ARID1B: variants seen among roughly 807,000 people sequenced by gnomAD.
ARID1B encodes the protein AT-rich interactive domain-containing protein 1B.
In ARID1B, 30 loss-of-function variants were observed where a neutral mutation model predicts 212.3. The observed-to-expected ratio is 0.14, with a 90% CI of 0.11 to 0.19. The LOEUF is 0.19. Ranked by LOEUF, ARID1B falls within the 10% of genes least tolerant of loss-of-function variation. ARID1B has a pLI of 1.00. For synonymous variants in ARID1B, 1,402 were observed against 1,301.7 expected (o/e 1.08, Z -1.66); for missense variants, 2,891 against 3,204.0 (o/e 0.90, Z 2.36).
chr6:156,988,113 T>G (rs998076239), intron 4 of ARID1B, among the ~76,000 whole-genome samples: 1 of 152,116 alleles, frequency 6.6e-6, no homozygotes, highest in Non-Finnish European at 1.5e-5. Flanking sequence ...TTGTCACAAC[T>G]AGTTTTAGGG....
At chr6:156,830,733 G>A (rs778344711) in intron 2 of ARID1B, among the ~76,000 whole-genome samples, 11 of 151,790 alleles carry the variant, frequency 7.2e-5, no homozygotes, top group African/African-American at 2.2e-4. Flanking sequence ...TTTGAGTCCA[G>A]CCTAGGCAAT....
At chr6:156,906,189 G>A (rs963652872) in intron 3 of ARID1B, among the ~76,000 whole-genome samples, 1 of 151,984 alleles carries the variant, frequency 6.6e-6, no homozygotes, top group Non-Finnish European at 1.5e-5. Flanking sequence ...GAAGCTGGGG[G>A]TACTTTTGTG....
intron 2 of ARID1B, chr6:156,871,726 C>T (rs1786150901): frequency 2.0e-6 from 3 of 1,535,318 alleles, no homozygotes; most frequent in South Asian, 2.4e-5. Context: ...GCAGCTGGCA[C>T]ATCTGTGTTG....
intron 4 of ARID1B, among the ~76,000 whole-genome samples, chr6:157,052,453 CA>C (rs1369237898): frequency 2.0e-5 from 3 of 152,194 alleles, no homozygotes; most frequent in African/African-American, 7.2e-5. Context: ...ATATAATTGG[CA>C]CCTTTATTTG....
intron 12 of ARID1B, among the ~76,000 whole-genome samples, chr6:157,183,750 T>C (rs1039857277): frequency 2.0e-5 from 3 of 152,172 alleles, no homozygotes; most frequent in Non-Finnish European, 4.4e-5. Flanking sequence ...AGGGGCTCAT[T>C]TGCCTTTGCA....
intron 7 of ARID1B, among the ~76,000 whole-genome samples, chr6:157,135,762 T>C (rs1788860880): frequency 6.6e-6 from 1 of 152,244 alleles, no homozygotes; most frequent in Non-Finnish European, 1.5e-5. Context: ...GTTATCCTTT[T>C]AGAAAGGGAT....
intron 1 of ARID1B, among the ~76,000 whole-genome samples, chr6:156,780,869 A>G: frequency 6.6e-6 from 1 of 152,282 alleles, no homozygotes; most frequent in South Asian, 2.1e-4. Flanking sequence ...TTGAAAAATA[A>G]GTAAACCACG....
At chr6:157,113,977 T>C (rs1426502580) in intron 6 of ARID1B, among the ~76,000 whole-genome samples, 1 of 152,188 alleles carries the variant, frequency 6.6e-6, no homozygotes, top group Non-Finnish European at 1.5e-5. Context: ...TGACAGTGAC[T>C]TTAGTGCTTT....
chr6:157,202,876 C>G (rs942472616), intron 18 of ARID1B, among the ~76,000 whole-genome samples: 1 of 151,404 alleles, frequency 6.6e-6, no homozygotes, highest in African/African-American at 2.4e-5. Context: ...CACACACACA[C>G]GTGTATTGTG....
chr6:157,068,599 C>T (rs574485191), intron 4 of ARID1B, among the ~76,000 whole-genome samples: 2 of 152,366 alleles, frequency 1.3e-5, no homozygotes, highest in African/African-American at 2.4e-5. Context: ...CATACTGTGA[C>T]ATTTCTGCTG....
rs1177490140 is a variant in ARID1B, at chr6:157,174,755, AT to A, written c.3346-90del. 5.2e-6 allele frequency: 3 copies of A among 572,966 alleles called. No individual in the cohort carries two copies. In the African/African-American group the frequency reaches 6.1e-5, roughly 12 times the overall value. The allele number at this position is 572,966 out of a possible 1,614,324, so 35.5% of individuals were successfully genotyped here. A position where few individuals can be genotyped will look rare whatever the true frequency, so the allele number is the denominator to read the frequency against. Reference sequence around the variant, plus strand: ...ATATATATATAATATATATAAAAAAATTAGTTTGTTAAAGTGGATGTACTTT... The same window carrying A: ...ATATATATATAATATATATAAAAAAATAGTTTGTTAAAGTGGATGTACTTT... On this transcript the variant is annotated intron_variant, in intron 10 of 19. Coordinates refer to ENST00000636930, the MANE Select transcript of ARID1B (RefSeq NM_001374828.1).
chr6:156,834,344 A>G (rs1248432163), intron 2 of ARID1B, among the ~76,000 whole-genome samples: 1 of 152,144 alleles, frequency 6.6e-6, no homozygotes, highest in Admixed American at 6.5e-5. Context: ...AACTTGACTA[A>G]GTATAATGGA....
chr6:157,100,461 C>T (rs1394445156), intron 5 of ARID1B, among the ~76,000 whole-genome samples: 2 of 152,200 alleles, frequency 1.3e-5, no homozygotes, highest in Admixed American at 6.5e-5. Flanking sequence ...GTCAGCCAGC[C>T]TGCTTCTTCA....
chr6:157,155,693 C>G (rs927455870), intron 8 of ARID1B, among the ~76,000 whole-genome samples: 1 of 152,186 alleles, frequency 6.6e-6, no homozygotes, highest in Non-Finnish European at 1.5e-5. Context: ...ATTATTAAAT[C>G]TTAGCCACTC....
intron 3 of ARID1B, among the ~76,000 whole-genome samples, chr6:156,913,678 A>G (rs1790098256): frequency 6.9e-6 from 1 of 145,402 alleles, no homozygotes; most frequent in African/African-American, 2.6e-5. Context: ...CCCACTCTCT[A>G]CTTTCCAACA....
intron 1 of ARID1B, among the ~76,000 whole-genome samples, chr6:156,804,245 G>A (rs1244284658): frequency 2.6e-5 from 4 of 151,730 alleles, no homozygotes; most frequent in African/African-American, 7.3e-5. Flanking sequence ...GATGAGGCAG[G>A]AGAATCACTT....
chr6:157,151,247 G>A (rs1055382047), intron 8 of ARID1B: 2 of 152,090 alleles, frequency 1.3e-5, no homozygotes, highest in Non-Finnish European at 2.9e-5. Context: ...GTTGTGCAGC[G>A]CTGTTCTCAT....
intron 15 of ARID1B, among the ~76,000 whole-genome samples, chr6:157,191,166 G>C (rs1415763967): frequency 1.3e-5 from 2 of 152,138 alleles, no homozygotes; most frequent in African/African-American, 2.4e-5. Context: ...AAAGAGGTAA[G>C]AGTAGCTTTG....
intron 5 of ARID1B, among the ~76,000 whole-genome samples, chr6:157,100,483 A>C (rs1785983413): frequency 6.6e-6 from 1 of 152,218 alleles, no homozygotes; most frequent in African/African-American, 2.4e-5. Flanking sequence ...TCTGAGAATA[A>C]GTGGGATTTT....
Sources: gnomAD v4.1 joint callset for allele counts (sites outside exome capture counted in the v4.1 genomes callset) on GRCh38, gnomAD v4.1.1 for gene constraint, MANE v1.5 for transcripts, NCBI Gene and HGNC (gene_info 2026-07-23, HGNC 2026-07-21) for gene names.